The following SH3GL2 variants were observed in gnomAD, a reference collection of about 807,000 sequenced individuals.
The protein encoded by SH3GL2 is SH3 domain containing GRB2 like 2, endophilin A1.
Under a neutral mutation model 46.0 loss-of-function variants are expected in SH3GL2, and 24 were observed. That is an observed-to-expected ratio of 0.52 (90% CI 0.38 to 0.73). The LOEUF (loss-of-function observed/expected upper bound fraction) is 0.73. SH3GL2 is among the 30% of genes least tolerant of loss of function. SH3GL2 has a pLI of 0.00. For missense variants in SH3GL2, 413 were observed against 424.2 expected (o/e 0.97, Z 0.23); for synonymous variants, 196 against 147.1 (o/e 1.33, Z -2.40).
At chr9:17,681,348 T>C (rs1046232817) in intron 1 of SH3GL2, among the ~76,000 whole-genome samples, 1 of 152,198 alleles carries the variant, frequency 6.6e-6, no homozygotes. Flanking sequence ...TTTTGTTCTC[T>C]TTTTCTTTGT....
chr9:17,651,463 T>C (rs7871562), intron 1 of SH3GL2, among the ~76,000 whole-genome samples: 2,041 of 152,320 alleles, frequency 0.013, 53 homozygotes, highest in African/African-American at 0.046. Flanking sequence ...TTTTTGTTGC[T>C]CTTATAATTA....
chr9:17,633,131 T>C (rs190694616), intron 1 of SH3GL2, among the ~76,000 whole-genome samples: 1 of 152,294 alleles, frequency 6.6e-6, no homozygotes, highest in East Asian at 1.9e-4. Flanking sequence ...GCTTCTGATA[T>C]AGGTCTTGTT....
At chr9:17,609,361 T>C (rs1171773920) in intron 1 of SH3GL2, among the ~76,000 whole-genome samples, 2 of 152,052 alleles carry the variant, frequency 1.3e-5, no homozygotes, top group Non-Finnish European at 2.9e-5. Flanking sequence ...AGCAGATCCA[T>C]TGAGCACTTT....
intron 3 of SH3GL2, among the ~76,000 whole-genome samples, chr9:17,766,968 A>T (rs1199461841): frequency 6.6e-6 from 1 of 152,198 alleles, no homozygotes; most frequent in Non-Finnish European, 1.5e-5. Context: ...AGTCTGTTTC[A>T]TGACACTTGA....
intron 1 of SH3GL2, among the ~76,000 whole-genome samples, chr9:17,679,640 C>T (rs1820713953): frequency 6.6e-6 from 1 of 152,112 alleles, no homozygotes; most frequent in Non-Finnish European, 1.5e-5. Flanking sequence ...TGCCTGATTG[C>T]CCTGGCCAGA....
At chr9:17,682,842 A>G (rs1588235467) in intron 1 of SH3GL2, among the ~76,000 whole-genome samples, 1 of 152,122 alleles carries the variant, frequency 6.6e-6, no homozygotes. Context: ...AACATGATGT[A>G]TGTGTATTTG....
intron 1 of SH3GL2, among the ~76,000 whole-genome samples, chr9:17,603,795 G>A (rs531324695): frequency 3.0e-4 from 46 of 152,266 alleles, no homozygotes; most frequent in African/African-American, 1.0e-3. Flanking sequence ...GGGAGGCGGA[G>A]GTTGTGGTGT....
At chr9:17,611,596 A>G (rs1563780720) in intron 1 of SH3GL2, among the ~76,000 whole-genome samples, 1 of 152,164 alleles carries the variant, frequency 6.6e-6, no homozygotes, top group Non-Finnish European at 1.5e-5. Context: ...GCTCCCTGTT[A>G]CTGAGTTCAT....
intron 1 of SH3GL2, among the ~76,000 whole-genome samples, chr9:17,581,445 A>G (rs892528966): frequency 2.0e-5 from 3 of 152,228 alleles, no homozygotes; most frequent in Non-Finnish European, 4.4e-5. Flanking sequence ...AATTTAGTGT[A>G]GCACACTCTT....
chr9:17,669,781 G>C (rs369819437), intron 1 of SH3GL2, among the ~76,000 whole-genome samples: 2 of 152,126 alleles, frequency 1.3e-5, no homozygotes, highest in African/African-American at 4.8e-5. Context: ...GAGGGTGATT[G>C]TATTGAAGTG....
At chr9:17,770,766 A>G (rs9407850) in intron 3 of SH3GL2, among the ~76,000 whole-genome samples, 15,521 of 152,220 alleles carry the variant, frequency 0.1, 878 homozygotes, top group Non-Finnish European at 0.11. Context: ...AACTGGGGGT[A>G]GTCTCTAGAA....
At chr9:17,792,393 A>G (rs1225131781) in intron 7 of SH3GL2, among the ~76,000 whole-genome samples, 1 of 152,092 alleles carries the variant, frequency 6.6e-6, no homozygotes, top group Non-Finnish European at 1.5e-5. Context: ...TTTCCTCTGA[A>G]ATATGTTCAA....
chr9:17,725,103 G>T (rs1206193162), intron 1 of SH3GL2, among the ~76,000 whole-genome samples: 1 of 152,126 alleles, frequency 6.6e-6, no homozygotes, highest in Non-Finnish European at 1.5e-5. Flanking sequence ...CTTCCTAGGA[G>T]TCACCCCTGG....
intron 1 of SH3GL2, among the ~76,000 whole-genome samples, chr9:17,631,232 C>T (rs1434009675): frequency 6.6e-6 from 1 of 152,150 alleles, no homozygotes; most frequent in African/African-American, 2.4e-5. Context: ...TTCAAGGAAA[C>T]ATTGTTCTAT....
At chr9:17,656,922 TA>T (rs1820093592) in intron 1 of SH3GL2, among the ~76,000 whole-genome samples, 1 of 152,034 alleles carries the variant, frequency 6.6e-6, no homozygotes, top group South Asian at 2.1e-4. Context: ...TAGTGAAGAT[TA>T]AAAAAGTGAT....
Position 17,637,193 on chromosome 9 carries a change from GA to G in SH3GL2, c.45+57907del, listed in dbSNP as rs1819561356. On this transcript the variant is annotated intron_variant, in intron 1 of 8. Coordinates refer to ENST00000380607, the MANE Select transcript of SH3GL2 (RefSeq NM_003026.5). ...ACATTTAATGGTGAATTCACGGTAT[GA>G]TGTATTTCAGCCCAAAGTTAAGACC... 2.6e-5 allele frequency among the ~76,000 whole-genome samples: 4 copies of G among 152,320 alleles called. No individual in the cohort carries two copies. In the South Asian group the frequency reaches 8.3e-4, roughly 32 times the overall value.
At chr9:17,713,047 A>T (rs565763153) in intron 1 of SH3GL2, among the ~76,000 whole-genome samples, 2 of 151,136 alleles carry the variant, frequency 1.3e-5, no homozygotes, top group Non-Finnish European at 3.0e-5. Context: ...GTTTAAGGGC[A>T]TTCCTTTCCC....
At chr9:17,633,785 G>C (rs1158440965) in intron 1 of SH3GL2, among the ~76,000 whole-genome samples, 2 of 152,202 alleles carry the variant, frequency 1.3e-5, no homozygotes, top group Non-Finnish European at 2.9e-5. Flanking sequence ...CCATTTTGCT[G>C]TATGTCCATT....
At chr9:17,580,942 G>C (rs1818266371) in intron 1 of SH3GL2, among the ~76,000 whole-genome samples, 1 of 152,174 alleles carries the variant, frequency 6.6e-6, no homozygotes, top group Non-Finnish European at 1.5e-5. Flanking sequence ...GAAAGGCTAA[G>C]GTTTGAATCC....
Sources: gnomAD v4.1 joint callset for allele counts (sites outside exome capture counted in the v4.1 genomes callset) on GRCh38, gnomAD v4.1.1 for gene constraint, MANE v1.5 for transcripts, NCBI Gene and HGNC (gene_info 2026-07-23, HGNC 2026-07-21) for gene names.